SGMS1: variants seen among roughly 807,000 people sequenced by gnomAD.
SGMS1 encodes phosphatidylcholine:ceramide cholinephosphotransferase 1.
SGMS1 carries 13 observed loss-of-function variants against 46.2 expected under a neutral mutation model. That is an observed-to-expected ratio of 0.28 (90% CI 0.18 to 0.45). The LOEUF is 0.45. SGMS1 is among the 20% of genes least tolerant of loss of function. The pLI, the probability that SGMS1 is intolerant of heterozygous loss-of-function variation, is 1.00. For synonymous variants in SGMS1, 203 were observed against 187.8 expected, an observed-to-expected ratio of 1.08 and a Z score of -0.66; for missense variants, 324 against 519.9, an observed-to-expected ratio of 0.62 and a Z score of 3.66.
chr10:50,341,185 AG>A, intron 7 of SGMS1: 1 of 347,132 alleles, frequency 2.9e-6, no homozygotes, highest in Non-Finnish European at 5.7e-6. Context: ...CTAGAAACAA[AG>A]GGTCCCTCTG....
intron 2 of SGMS1, among the ~76,000 whole-genome samples, chr10:50,568,711 C>A (rs1444376106): frequency 6.6e-6 from 1 of 152,270 alleles, no homozygotes; most frequent in East Asian, 1.9e-4. Flanking sequence ...AGATAGTACA[C>A]ACAAATTATT....
At chr10:50,422,361 A>G (rs942104466) in intron 6 of SGMS1, among the ~76,000 whole-genome samples, 3 of 152,134 alleles carry the variant, frequency 2.0e-5, no homozygotes, top group Admixed American at 2.0e-4. Context: ...AGAATAAACA[A>G]ATATTATAGC....
At chr10:50,349,804 G>A (rs1460991763) in intron 6 of SGMS1, among the ~76,000 whole-genome samples, 2 of 152,220 alleles carry the variant, frequency 1.3e-5, no homozygotes, top group African/African-American at 2.4e-5. Flanking sequence ...GGCCTCTGCA[G>A]CCATGTGGAG....
chr10:50,415,429 CTT>C (rs1399822508), intron 6 of SGMS1, among the ~76,000 whole-genome samples: 1 of 152,148 alleles, frequency 6.6e-6, no homozygotes, highest in African/African-American at 2.4e-5. Context: ...CTCTCCATGA[CTT>C]TTCCAAGATT....
intron 5 of SGMS1, among the ~76,000 whole-genome samples, chr10:50,442,043 CTTTTATTT>C (rs908976823): frequency 4.5e-4 from 68 of 151,998 alleles, no homozygotes; most frequent in African/African-American, 1.6e-3. Context: ...CATTAACTTG[CTTTTATTT>C]TTTTATTTTT....
intron 7 of SGMS1, among the ~76,000 whole-genome samples, chr10:50,337,517 T>C (rs1847735111): frequency 6.6e-6 from 1 of 151,908 alleles, no homozygotes; most frequent in Non-Finnish European, 1.5e-5. Context: ...ATCGAAGACA[T>C]AAAAAAAGGG....
chr10:50,620,822 G>T (rs1467200718), intron 1 of SGMS1, among the ~76,000 whole-genome samples: 1 of 152,174 alleles, frequency 6.6e-6, no homozygotes. Context: ...GAAATGTTAT[G>T]TATAAAATGA....
chr10:50,439,160 T>C (rs899757718), intron 5 of SGMS1, among the ~76,000 whole-genome samples: 2 of 152,178 alleles, frequency 1.3e-5, no homozygotes, highest in African/African-American at 4.8e-5. Flanking sequence ...ACATCCAATT[T>C]TTATCTAAGT....
intron 6 of SGMS1, among the ~76,000 whole-genome samples, chr10:50,403,283 G>A (rs1402956354): frequency 1.3e-5 from 2 of 152,118 alleles, no homozygotes; most frequent in African/African-American, 4.8e-5. Context: ...ACAAGTACAC[G>A]GTTCGCATGT....
At chr10:50,508,536 T>C (rs1452214261) in intron 3 of SGMS1, among the ~76,000 whole-genome samples, 2 of 152,234 alleles carry the variant, frequency 1.3e-5, no homozygotes, top group Non-Finnish European at 2.9e-5. Flanking sequence ...TAGATTACTA[T>C]GGCCCCCTTT....
chr10:50,620,278 A>G (rs1317400914), intron 1 of SGMS1, among the ~76,000 whole-genome samples: 1 of 152,236 alleles, frequency 6.6e-6, no homozygotes, highest in Non-Finnish European at 1.5e-5. Context: ...CTTTACAGGG[A>G]TGCTCTTAGA....
chr10:50,360,510 A>T (rs1848229103), intron 6 of SGMS1, among the ~76,000 whole-genome samples: 1 of 152,214 alleles, frequency 6.6e-6, no homozygotes, highest in African/African-American at 2.4e-5. Context: ...CTTAGTACTA[A>T]TTACCAAAAA....
intron 6 of SGMS1, among the ~76,000 whole-genome samples, chr10:50,433,240 T>TA (rs1849428328): frequency 6.6e-6 from 1 of 152,222 alleles, no homozygotes; most frequent in African/African-American, 2.4e-5. Flanking sequence ...TTATGCTCTG[T>TA]CCACCAAATT....
intron 3 of SGMS1, among the ~76,000 whole-genome samples, chr10:50,505,433 G>A (rs1005126427): frequency 2.4e-4 from 37 of 152,100 alleles, no homozygotes; most frequent in African/African-American, 8.7e-4. Flanking sequence ...TTTAAAAGAA[G>A]AAAATCCATC....
chr10:50,552,147 C>A (rs956530784), intron 2 of SGMS1, among the ~76,000 whole-genome samples: 12 of 152,186 alleles, frequency 7.9e-5, no homozygotes, highest in Non-Finnish European at 7.3e-5. Context: ...GAATCAAGTC[C>A]AAACTCCTCA....
chr10:50,438,010 G>C (rs1849496646), intron 5 of SGMS1, among the ~76,000 whole-genome samples: 1 of 152,176 alleles, frequency 6.6e-6, no homozygotes, highest in Non-Finnish European at 1.5e-5. Flanking sequence ...AAGCCACTCA[G>C]GGCTGTTGAA....
chr10:50,457,997 A>G (rs980780803), intron 5 of SGMS1, among the ~76,000 whole-genome samples: 10 of 152,202 alleles, frequency 6.6e-5, no homozygotes, highest in African/African-American at 2.4e-4. Flanking sequence ...TGCTAGCAGC[A>G]TGGTAAGCAC....
At position 50,433,469 on chromosome 10, in the gene SGMS1, A is replaced by T. The variant is rs1849431788; in HGVS notation, c.-232+7T>A. ...AGAATTCCAAAAGGCCAAGAACATT[A>T]ACTTACGGATTATTTAAAAACATTC... On this transcript the variant is annotated splice_region_variant and intron_variant, in intron 6 of 10. Coordinates refer to ENST00000361781, the MANE Select transcript of SGMS1 (RefSeq NM_147156.4). 1 of 152,396 alleles carries T rather than the reference A, an allele frequency of 6.6e-6. No individual in the cohort carries two copies. The highest frequency in any genetic ancestry group is 2.4e-5 in the African/African-American group (1 of 41,476). 9.4% of individuals were successfully genotyped at this position (152,396 alleles called of 1,614,324 possible).
chr10:50,602,469 A>G (rs1417483481), intron 1 of SGMS1, among the ~76,000 whole-genome samples: 1 of 152,172 alleles, frequency 6.6e-6, no homozygotes, highest in Admixed American at 6.5e-5. Context: ...TCCCTGTTCA[A>G]TATCTTTTTG....
Sources: gnomAD v4.1 joint callset for allele counts (sites outside exome capture counted in the v4.1 genomes callset) on GRCh38, gnomAD v4.1.1 for gene constraint, MANE v1.5 for transcripts, NCBI Gene and HGNC (gene_info 2026-07-23, HGNC 2026-07-21) for gene names.